CCDC30: variants seen among roughly 807,000 people sequenced by gnomAD.
CCDC30 encodes coiled-coil domain containing 30.
A neutral mutation model predicts 100.2 loss-of-function variants in CCDC30; 70 were observed. The ratio of observed to expected loss-of-function variants is 0.70; its 90% CI spans 0.58 to 0.85. CCDC30 has a LOEUF of 0.85. CCDC30 is among the 40% of genes least tolerant of loss of function. CCDC30 has a pLI of 0.00. For synonymous variants in CCDC30, 233 were observed against 269.5 expected, an observed-to-expected ratio of 0.86 and a Z score of 1.33; for missense variants, 652 against 771.2, an observed-to-expected ratio of 0.85 and a Z score of 1.83.
chr1:42,600,340 C>T (rs777710610), intron 10 of CCDC30, among the ~76,000 whole-genome samples: 1 of 152,142 alleles, frequency 6.6e-6, no homozygotes, highest in Admixed American at 6.5e-5. Context: ...GTGAAATTCA[C>T]TGTTATCATT....
intron 6 of CCDC30, among the ~76,000 whole-genome samples, chr1:42,565,615 A>C (rs1402617751): frequency 6.6e-6 from 1 of 152,204 alleles, no homozygotes; most frequent in Non-Finnish European, 1.5e-5. Context: ...CCAATATGGA[A>C]AACAGTATGG....
intron 10 of CCDC30, chr1:42,595,680 A>G (rs781187151): frequency 2.6e-5 from 4 of 152,232 alleles, no homozygotes; most frequent in Non-Finnish European, 4.4e-5. Context: ...ACCTGCTACC[A>G]GGTTGCTTGC....
At chr1:42,466,840 C>T (rs1449581707) in intron 1 of CCDC30, among the ~76,000 whole-genome samples, 3 of 152,228 alleles carry the variant, frequency 2.0e-5, no homozygotes, top group Non-Finnish European at 4.4e-5. Context: ...GCATGAGCCT[C>T]TGCGCCCGGC....
At chr1:42,492,930 C>T (rs1399807943) in intron 4 of CCDC30, among the ~76,000 whole-genome samples, 1 of 152,034 alleles carries the variant, frequency 6.6e-6, no homozygotes, top group African/African-American at 2.4e-5. Context: ...CAGGCGTGAG[C>T]CACCGCACCC....
At chr1:42,633,151 AAAT>A (rs1184289966) in intron 11 of CCDC30, among the ~76,000 whole-genome samples, 2 of 152,224 alleles carry the variant, frequency 1.3e-5, no homozygotes, top group Non-Finnish European at 2.9e-5. Context: ...CAAGAACAGA[AAAT>A]AATGAGTGAG....
At chr1:42,637,300 T>C (rs776258867) in exon 12 of CCDC30, 1 of 1,583,188 alleles carries the variant, frequency 6.3e-7, no homozygotes, top group Non-Finnish European at 8.5e-7. Flanking sequence ...ATCGTTTAAC[T>C]AATGAAGTAG....
At chr1:42,591,331 C>G (rs1302160568) in intron 10 of CCDC30, 2 of 152,304 alleles carry the variant, frequency 1.3e-5, no homozygotes, top group Non-Finnish European at 2.9e-5. Flanking sequence ...TTTAGGGGGC[C>G]AAGCACTGGG....
chr1:42,574,226 A>G (rs1190810984), intron 7 of CCDC30, among the ~76,000 whole-genome samples: 2 of 152,120 alleles, frequency 1.3e-5, no homozygotes, highest in Admixed American at 6.5e-5. Context: ...ACTCATCCCT[A>G]AAGCCTTCTG....
At chr1:42,461,797 G>C (rs1467653240), upstream of CCDC30, among the ~76,000 whole-genome samples, 2 of 151,956 alleles carry the variant, frequency 1.3e-5, no homozygotes, top group African/African-American at 4.8e-5. Flanking sequence ...TGCCCGCCCC[G>C]GCCTTCCAAA....
chr1:42,586,487 T>G (rs61775573), intron 9 of CCDC30, among the ~76,000 whole-genome samples: 2 of 151,976 alleles, frequency 1.3e-5, no homozygotes, highest in African/African-American at 2.4e-5. Context: ...AAAAAAAATT[T>G]AGAGACAGGA....
At chr1:42,577,299 T>G in intron 8 of CCDC30, 70 bp downstream of exon 12, 2 of 1,012,232 alleles carry the variant, frequency 2.0e-6, no homozygotes, top group Non-Finnish European at 3.0e-6. Flanking sequence ...TCCCTGAGGA[T>G]TTTAAGAAAT....
intron 10 of CCDC30, among the ~76,000 whole-genome samples, chr1:42,604,669 C>T (rs575193804): frequency 4.6e-5 from 7 of 152,282 alleles, no homozygotes; most frequent in Non-Finnish European, 7.4e-5. Flanking sequence ...CTGCTGTTCG[C>T]CAAAAGTCTA....
chr1:42,645,888 A>C (rs945334823), intron 14 of CCDC30, among the ~76,000 whole-genome samples: 7 of 152,220 alleles, frequency 4.6e-5, no homozygotes, highest in Admixed American at 4.6e-4. Context: ...TCTACTAGAG[A>C]AGGACAAACA....
rs141359761 is a variant in CCDC30 at position 42,502,673 on chromosome 1, G to A, written c.456+3757G>A. 5.9e-3 allele frequency among the ~76,000 whole-genome samples: 901 copies of A among 152,108 alleles called. 8 individuals are homozygous for A. The highest frequency in any genetic ancestry group is 0.02 in the African/African-American group (831 of 41,494). The stretch of plus-strand genomic sequence containing the variant: ...GAGAAACTCTATCCATTATCCATTA[G>A]TATCCATTTCTTATTTTTCTACCTG... On this transcript the variant is annotated intron_variant, in intron 6 of 16. Transcript: ENST00000668663.
intron 11 of CCDC30, among the ~76,000 whole-genome samples, chr1:42,626,565 C>G (rs1413379976): frequency 1.3e-5 from 2 of 152,006 alleles, no homozygotes; most frequent in Non-Finnish European, 1.5e-5. Context: ...CTTGCAAATA[C>G]TATCTGATAT....
chr1:42,482,665 T>G lies in CCDC30; in HGVS notation c.18T>G (p.Tyr6Ter). The G allele has an allele frequency of 8.1e-7, 1 of 1,233,086 alleles. No homozygotes were observed. The highest frequency in any genetic ancestry group is 4.1e-5 in the South Asian group (1 of 24,400). The allele number at this position is 1,233,086 out of a possible 1,614,324, so 76.4% of individuals were successfully genotyped here. ...TACTAATAGAAGTTTTATTTCAGTA[T>G]CATAATGAAGACCTGGAAAAAGACA... The change falls in exon 3 of 17, where the codon TAT (tyrosine) becomes TAG (stop). Residue 6 changes from tyrosine to a stop codon, truncating the protein, a stop_gained and splice_region_variant. Coordinates refer to ENST00000668663, the Ensembl canonical transcript of CCDC30. LOFTEE classifies it high-confidence loss of function.
upstream of CCDC30, chr1:42,459,477 A>C: frequency 1.2e-6 from 1 of 854,624 alleles, no homozygotes; most frequent in South Asian, 1.8e-5. Flanking sequence ...TTTAAACTAA[A>C]CATTTAACTG....
intron 11 of CCDC30, among the ~76,000 whole-genome samples, chr1:42,634,743 A>C (rs1027587418): frequency 6.6e-6 from 1 of 152,200 alleles, no homozygotes; most frequent in African/African-American, 2.4e-5. Flanking sequence ...TTTAAAGTGT[A>C]TAGTTCAATG....
At chr1:42,648,820 A>T (rs1648103934) in intron 15 of CCDC30, among the ~76,000 whole-genome samples, 1 of 152,170 alleles carries the variant, frequency 6.6e-6, no homozygotes, top group Non-Finnish European at 1.5e-5. Flanking sequence ...ACTAAGAAAA[A>T]AAGAGAGAAG....
Sources: gnomAD v4.1 joint callset for allele counts (sites outside exome capture counted in the v4.1 genomes callset) on GRCh38, gnomAD v4.1.1 for gene constraint, MANE v1.5 for transcripts, NCBI Gene and HGNC (gene_info 2026-07-23, HGNC 2026-07-21) for gene names.